The following CHLSN variants were observed in gnomAD, a reference collection of about 807,000 sequenced individuals.
The protein encoded by CHLSN is cholesin.
At chr7:995,591 A>G in the CHLSN span, among the ~76,000 whole-genome samples, 1 of 152,152 alleles carries the variant, frequency 6.6e-6, no homozygotes, top group Non-Finnish European at 1.5e-5. Flanking sequence ...AAGGTGCCTC[A>G]CAGCATAGGG....
chr7:1,026,840 C>G, the CHLSN span: 2 of 152,266 alleles, frequency 1.3e-5, no homozygotes, highest in Non-Finnish European at 2.9e-5. Flanking sequence ...CAGCGCGCCG[C>G]CCACTTCACC....
At chr7:1,053,214 C>G in the CHLSN span, among the ~76,000 whole-genome samples, 1 of 152,254 alleles carries the variant, frequency 6.6e-6, no homozygotes, top group Non-Finnish European at 1.5e-5. Flanking sequence ...CTCCACCCGC[C>G]TGGGCCAGGC....
chr7:1,027,481 G>A, the CHLSN span, among the ~76,000 whole-genome samples: 1 of 152,352 alleles, frequency 6.6e-6, no homozygotes, highest in Non-Finnish European at 1.5e-5. Flanking sequence ...CGCCTCCTCA[G>A]AAGATAAAAG....
the CHLSN span, chr7:984,874 C>T: frequency 6.6e-7 from 1 of 1,506,182 alleles, no homozygotes; most frequent in Non-Finnish European, 8.9e-7. Context: ...TCAGCCTGCT[C>T]ACTTCCTGCC....
At chr7:1,055,499 G>A in the CHLSN span, 2 of 453,426 alleles carry the variant, frequency 4.4e-6, no homozygotes, top group South Asian at 3.1e-5. Flanking sequence ...AGCCTGTGGT[G>A]CCCGCAGGTG....
At chr7:1,058,332 C>A in the CHLSN span, 5 of 777,784 alleles carry the variant, frequency 6.4e-6, no homozygotes, top group African/African-American at 5.1e-5. Context: ...CTACCTGGGG[C>A]TACTGCACTT....
At chr7:984,832 G>C in the CHLSN span, 18 of 1,368,970 alleles carry the variant, frequency 1.3e-5, no homozygotes, top group African/African-American at 2.2e-4. Context: ...AGTGGGGATG[G>C]GGGTGAGGGC....
the CHLSN span, among the ~76,000 whole-genome samples, chr7:1,016,898 A>C: frequency 8.0e-6 from 1 of 124,586 alleles, no homozygotes; most frequent in Non-Finnish European, 1.7e-5. Flanking sequence ...ACCAGCGCAC[A>C]GCAGCACACG....
chr7:1,010,298 A>G, the CHLSN span, among the ~76,000 whole-genome samples: 1 of 152,208 alleles, frequency 6.6e-6, no homozygotes, highest in Non-Finnish European at 1.5e-5. Flanking sequence ...CATCCTGCTA[A>G]GCCTGTGCTA....
chr7:1,128,734 CTG>C, the CHLSN span, among the ~76,000 whole-genome samples: 1 of 31,092 alleles, frequency 3.2e-5, no homozygotes, highest in Non-Finnish European at 5.5e-5. Flanking sequence ...TCATCCCACC[CTG>C]TCACCCGGGC....
At chr7:1,033,507 G>A in the CHLSN span, among the ~76,000 whole-genome samples, 17 of 151,510 alleles carry the variant, frequency 1.1e-4, no homozygotes, top group Non-Finnish European at 1.8e-4. Context: ...GCAGTGAGCC[G>A]AGATCACGCC....
At chr7:1,070,281 C>A in the CHLSN span, among the ~76,000 whole-genome samples, 1 of 145,402 alleles carries the variant, frequency 6.9e-6, no homozygotes, top group Non-Finnish European at 1.5e-5. Flanking sequence ...CCCCGCCCGG[C>A]CAGCCGCCCC....
At chr7:1,105,397 A>G in the CHLSN span, among the ~76,000 whole-genome samples, 1 of 152,150 alleles carries the variant, frequency 6.6e-6, no homozygotes. Context: ...AGCCTCTAAG[A>G]GCAGGTGCTT....
At chr7:1,080,734 C>T in the CHLSN span, 4 of 152,288 alleles carry the variant, frequency 2.6e-5, no homozygotes, top group Admixed American at 2.6e-4. Context: ...GCCGACACAT[C>T]GTTAAGCAGC....
the CHLSN span, among the ~76,000 whole-genome samples, chr7:1,078,652 G>T: frequency 2.6e-5 from 4 of 152,184 alleles, no homozygotes; most frequent in African/African-American, 7.2e-5. Context: ...ACTCCCGGGG[G>T]GTTGGCTAGT....
At chr7:1,041,309 G>GCGCTGCAGGGAACGGGACCTGGGC in the CHLSN span, among the ~76,000 whole-genome samples, 18 of 43,262 alleles carry the variant, frequency 4.2e-4, 1 homozygote, top group African/African-American at 9.6e-4. Context: ...GGGACCTGGG[G>GCGCTGCAGGGAACGGGACCTGGGC]TCCGCGCTGC....
chr7:1,127,402 T>A, the CHLSN span: 1 of 1,594,714 alleles, frequency 6.3e-7, no homozygotes, highest in Non-Finnish European at 8.5e-7. Flanking sequence ...ACAGAGAAAG[T>A]AAATTGCTGA....
chr7:1,091,908 C>T, the CHLSN span: 1 of 1,613,986 alleles, frequency 6.2e-7, no homozygotes, highest in Admixed American at 1.7e-5. Context: ...TCGGCCTGTT[C>T]CTCTCGTGCC....
chr7:1,125,970 G>C, the CHLSN span, among the ~76,000 whole-genome samples: 4 of 152,164 alleles, frequency 2.6e-5, no homozygotes. Context: ...TCAGAACTTG[G>C]TGGGTCAAAA....
Sources: allele counts gnomAD v4.1 joint callset (sites outside exome capture counted in the v4.1 genomes callset), GRCh38; gene constraint gnomAD v4.1.1; transcripts MANE v1.5; gene names NCBI Gene and HGNC (gene_info 2026-07-23, HGNC 2026-07-21).